ARHGEF7: variants seen among roughly 807,000 people sequenced by gnomAD.
The protein encoded by ARHGEF7 is Rho guanine nucleotide exchange factor 7, also known as PAK-interacting exchange factor beta.
In ARHGEF7, 33 loss-of-function variants were observed where a neutral mutation model predicts 109.8. The observed-to-expected ratio is 0.30, with a 90% CI of 0.23 to 0.40. The LOEUF is 0.40. Ranked by LOEUF, ARHGEF7 falls within the 10% of genes least tolerant of loss-of-function variation. ARHGEF7 has a pLI of 1.00. For synonymous variants in ARHGEF7, 458 were observed against 424.6 expected (o/e 1.08, Z -0.97); for missense variants, 938 against 1,098.5 (o/e 0.85, Z 2.07).
chr13:111,167,046 G>A (rs1413547480), intron 2 of ARHGEF7, among the ~76,000 whole-genome samples: 2 of 152,162 alleles, frequency 1.3e-5, no homozygotes, highest in Non-Finnish European at 2.9e-5. Context: ...GCGTACTGAC[G>A]TTGCTCATTT....
In ARHGEF7 at chr13:111,217,728, A is replaced by G; in HGVS notation, c.518A>G (p.Asn173Ser). 1 of 1,614,248 alleles carries G rather than the reference A, an allele frequency of 6.2e-7. No homozygotes were observed. Among genetic ancestry groups the G allele is most frequent in the Non-Finnish European group, 8.5e-7 (1 of 1,180,052 alleles). Residue 173 changes from asparagine (N) to serine (S), a missense_variant, in exon 5 of 22, where the codon AAC (asparagine) becomes AGC (serine). Physicochemically the swap from Asn to Ser is conservative, Grantham distance 46 (BLOSUM62 1). This residue lies in a region of ARHGEF7 where 585 missense variants were observed against 723.6 expected (regional missense o/e 0.81). Transcript: ENST00000646102. Reference sequence around the variant, plus strand: ...CAACTGGTAGTAAGAGCAAAGTTTAACTTCCAGCAGACCAATGAGGACGAG... The same window carrying G: ...CAACTGGTAGTAAGAGCAAAGTTTAGCTTCCAGCAGACCAATGAGGACGAG... ...NNQLVVRAKF[N>S]FQQTNEDELS...
At chr13:111,135,397 G>A (rs1320288628) in intron 1 of ARHGEF7, among the ~76,000 whole-genome samples, 2 of 152,124 alleles carry the variant, frequency 1.3e-5, no homozygotes, top group Admixed American at 6.5e-5. Context: ...GGGCAGTATG[G>A]CCATTTTCAC....
chr13:111,264,674 G>A (rs2091435385), intron 8 of ARHGEF7, among the ~76,000 whole-genome samples: 1 of 152,316 alleles, frequency 6.6e-6, no homozygotes, highest in Admixed American at 6.5e-5. Flanking sequence ...GAGAGGGAGA[G>A]AGATGGACAG....
At chr13:111,275,700 C>T in intron 12 of ARHGEF7, 22 bp downstream of exon 12, 1 of 1,613,910 alleles carries the variant, frequency 6.2e-7, no homozygotes, top group Non-Finnish European at 8.5e-7. Flanking sequence ...CACATGCACG[C>T]ACCAGGGTTT....
intron 8 of ARHGEF7, chr13:111,265,443 A>G (rs1275473231): frequency 2.6e-6 from 1 of 384,586 alleles, no homozygotes; most frequent in Non-Finnish European, 5.2e-6. Context: ...TTTTCCTAAT[A>G]CTTGTGACTT....
rs542555104 is a variant in ARHGEF7, at chr13:111,147,064, G to A, written c.166-6841G>A. 8.5e-5 allele frequency among the ~76,000 whole-genome samples: 13 copies of A among 152,294 alleles called. No individual in the cohort carries two copies. In the East Asian group the frequency reaches 2.5e-3, roughly 29 times the overall value. On this transcript the variant is annotated intron_variant, in intron 1 of 21. Coordinates refer to ENST00000646102, the MANE Select transcript of ARHGEF7 (RefSeq NM_001354046.2). The stretch of plus-strand genomic sequence containing the variant: ...GAGTTGTTGGTCACTTGAGGCCTGA[G>A]TTTTCTGAATATTTCTGGAGACTAC...
At chr13:111,215,961 G>C (rs1444078872) in intron 4 of ARHGEF7, among the ~76,000 whole-genome samples, 1 of 152,216 alleles carries the variant, frequency 6.6e-6, no homozygotes, top group African/African-American at 2.4e-5. Context: ...TCAGAAAGTG[G>C]TGCGTGGGAG....
rs2084142725 is a variant in ARHGEF7 at position 111,221,434 on chromosome 13, G to GATGTCTATCTATATATATAGAT, written c.670+3556_670+3557insGTCTATCTATATATATAGATAT. On this transcript the variant is annotated intron_variant, in intron 5 of 21. Coordinates refer to ENST00000646102, the MANE Select transcript of ARHGEF7 (RefSeq NM_001354046.2). ...ATAGATGTCTATATATCTATATATA[G>GATGTCTATCTATATATATAGAT]ATATATATATCTATATATATAGATA... Among the ~76,000 whole-genome samples, 2 of 1,978 alleles carry GATGTCTATCTATATATATAGAT rather than the reference G, an allele frequency of 1.0e-3. 1 individual carries two copies. The highest frequency in any genetic ancestry group is 3.5e-3 in the Non-Finnish European group (2 of 576). 1.3% of individuals were successfully genotyped at this position (1,978 alleles called of 152,430 possible).
At chr13:111,194,142 C>G (rs2080225790) in intron 2 of ARHGEF7, among the ~76,000 whole-genome samples, 2 of 152,196 alleles carry the variant, frequency 1.3e-5, no homozygotes, top group Non-Finnish European at 2.9e-5. Context: ...CATCGATTTC[C>G]TTAGTTAGGT....
rs150270871 is a variant in ARHGEF7 at position 111,244,220 on chromosome 13, A to T, written c.876A>T (p.Ser292=). 11 of 1,608,236 alleles carry T rather than the reference A, an allele frequency of 6.8e-6. No homozygotes were observed. The African/African-American group carries it at 1.1e-4, about 16-fold the overall frequency. ...CTAGGTTAAGTTCAGCAAACATTTC[A>T]TATTTAATGGGAAATCTAGAAGAAA... ...TSEKLSSANI[S]YLMGNLEEIC... The change falls in exon 8 of 22, where the codon TCA becomes TCT. Residue 292 remains serine (S), a synonymous_variant. Transcript: ENST00000646102.
At chr13:111,209,833 G>A (rs754226005) in intron 3 of ARHGEF7, 39 bp from the exon 4 acceptor site, 12 of 1,603,768 alleles carry the variant, frequency 7.5e-6, no homozygotes, top group East Asian at 2.2e-5. Flanking sequence ...GGTATCAGGC[G>A]CTCTCAGCTC....
At chr13:111,300,347 A>G (rs1276906089) in intron 19 of ARHGEF7, among the ~76,000 whole-genome samples, 2 of 152,216 alleles carry the variant, frequency 1.3e-5, no homozygotes, top group East Asian at 3.8e-4. Context: ...TCTTTGATGT[A>G]TAAACACTCA....
intron 1 of ARHGEF7, among the ~76,000 whole-genome samples, chr13:111,151,897 G>A (rs963055515): frequency 2.6e-5 from 4 of 152,220 alleles, no homozygotes; most frequent in African/African-American, 9.6e-5. Flanking sequence ...AAAAGGCAGA[G>A]CATGGCCTTA....
intron 2 of ARHGEF7, among the ~76,000 whole-genome samples, chr13:111,179,056 A>G (rs1459159776): frequency 1.4e-5 from 2 of 147,196 alleles, no homozygotes; most frequent in Admixed American, 6.9e-5. Context: ...ACAGGTCACC[A>G]GCATTCTGAG....
In ARHGEF7 at chr13:111,209,986, G is replaced by A; in HGVS notation, c.452G>A (p.Gly151Asp). ...ACTCGGACTTCAAAACTGTTCCAGG[G>A]CCAGTATCGGAGTTTGGTAAGTTTG... is the stretch of plus-strand genomic sequence containing the variant. ...LHTRTSKLFQ[G>D]QYRSLDMTDN... The change falls in exon 4 of 22, where the codon GGC becomes GAC. Residue 151 changes from glycine to aspartate, a missense_variant. Around this residue, in one of 4 missense-constraint regions of ARHGEF7, gnomAD observed 585 missense variants for 723.6 expected, o/e 0.81. Coordinates refer to ENST00000646102, the MANE Select transcript of ARHGEF7 (RefSeq NM_001354046.2). The A allele has an allele frequency of 6.2e-7, 1 of 1,614,194 alleles. No individual in the cohort carries two copies. The highest frequency in any genetic ancestry group is 8.5e-7 in the Non-Finnish European group (1 of 1,180,024).
intron 17 of ARHGEF7, 97 bp downstream of exon 17, chr13:111,286,337 G>A: frequency 1.0e-6 from 1 of 988,048 alleles, no homozygotes; most frequent in Non-Finnish European, 1.6e-6. Context: ...GCTTTCTGAA[G>A]ACTCCAAACA....
intron 8 of ARHGEF7, among the ~76,000 whole-genome samples, chr13:111,252,874 C>G (rs1455753160): frequency 2.0e-5 from 3 of 152,250 alleles, no homozygotes; most frequent in Non-Finnish European, 4.4e-5. Flanking sequence ...AAGGTTGATT[C>G]TGAGAGTCCC....
chr13:111,179,043 C>T (rs552707628), intron 2 of ARHGEF7, among the ~76,000 whole-genome samples: 38 of 151,082 alleles, frequency 2.5e-4, no homozygotes, highest in African/African-American at 9.0e-4. Context: ...GTGTGCCCTT[C>T]TCACAGGTCA....
intron 8 of ARHGEF7, among the ~76,000 whole-genome samples, chr13:111,245,716 T>A (rs1249085927): frequency 6.6e-6 from 1 of 152,208 alleles, no homozygotes; most frequent in Admixed American, 6.5e-5. Context: ...GCCAAATGCG[T>A]TGTTGATGTT....
Sources: gnomAD v4.1 joint callset for allele counts (sites outside exome capture counted in the v4.1 genomes callset) on GRCh38, gnomAD v4.1.1 for gene constraint, gnomAD v4.1.1 regional missense constraint, MANE v1.5 for transcripts, NCBI Gene and HGNC (gene_info 2026-07-23, HGNC 2026-07-21) for gene names.